Variants in ACACB observed in about 807,000 individuals in gnomAD.
ACACB encodes the protein acetyl-CoA carboxylase 2.
A neutral mutation model predicts 278.8 loss-of-function variants in ACACB; 209 were observed. That is an observed-to-expected ratio of 0.75 (90% confidence interval 0.67 to 0.84). The LOEUF (loss-of-function observed/expected upper bound fraction) is 0.84, where lower values mean the gene tolerates loss of function less well. Among genes scored for constraint, ACACB ranks in the 40% least tolerant of loss-of-function variants. ACACB has a pLI of 0.00. For synonymous variants in ACACB, 1,174 were observed against 1,285.6 expected, an observed-to-expected ratio of 0.91 and a Z score of 1.86; for missense variants, 2,850 against 3,269.0, an observed-to-expected ratio of 0.87 and a Z score of 3.13.
intron 2 of ACACB, among the ~76,000 whole-genome samples, chr12:109,147,604 C>T (rs1179754661): frequency 6.6e-6 from 1 of 151,994 alleles, no homozygotes. Context: ...TGTCTCCCTA[C>T]ACTGGAAGCA....
intron 29 of ACACB, 82 bp from the exon 30 acceptor site, chr12:109,233,666 C>T (rs889320080): frequency 5.2e-5 from 63 of 1,202,250 alleles, no homozygotes; most frequent in Non-Finnish European, 7.5e-5. Flanking sequence ...GTCTGGCGTT[C>T]CCTGCTGCCT....
At chr12:109,165,466 G>C (rs185844938) in intron 2 of ACACB, among the ~76,000 whole-genome samples, 39 of 152,260 alleles carry the variant, frequency 2.6e-4, no homozygotes, top group African/African-American at 8.9e-4. Context: ...TGGGATTACA[G>C]GTATGAGCCA....
At chr12:109,142,884 T>C (rs903244089) in intron 2 of ACACB, among the ~76,000 whole-genome samples, 1 of 152,138 alleles carries the variant, frequency 6.6e-6, no homozygotes, top group Non-Finnish European at 1.5e-5. Context: ...CTATCTTTCA[T>C]AGGGAAAATG....
rs558925631 is a variant in ACACB, at chr12:109,202,603, C to T, written c.2913+902C>T. Reference sequence around the variant, plus strand: ...GTGATGGGATTACAGGTGTGAGCCACTGCACCTGGCCTCAATTAATTACTA... The same window carrying T: ...GTGATGGGATTACAGGTGTGAGCCATTGCACCTGGCCTCAATTAATTACTA... On this transcript the variant is annotated intron_variant, in intron 19 of 52. Transcript: ENST00000338432. Among the ~76,000 whole-genome samples, 4 of 152,306 alleles carry T rather than the reference C, an allele frequency of 2.6e-5. No individual in the cohort carries two copies. In the South Asian group the frequency reaches 8.3e-4, roughly 32 times the overall value.
chr12:109,233,798 C>G lies in ACACB; in HGVS notation c.4190C>G (p.Pro1397Arg). The G allele has an allele frequency of 2.5e-6, 4 of 1,614,218 alleles. No individual in the cohort carries two copies. The highest frequency in any genetic ancestry group is 3.4e-6 in the Non-Finnish European group (4 of 1,180,038). ...SCFANVPKDT[P>R]LFSEARTSLY... ...TTCGCCAACGTGCCCAAAGACACCC[C>G]CCTCTTCAGCGAGGCCCGCACCTCC... is the stretch of plus-strand genomic sequence containing the variant. Residue 1397 changes from proline to arginine, a missense_variant, in exon 30 of 53, where the codon CCC becomes CGC. Pro to Arg is a moderately radical substitution (Grantham distance 103). Around this residue, in one of 3 missense-constraint regions of ACACB, gnomAD observed 2,265 missense variants for 2,561.3 expected, o/e 0.88. Coordinates refer to ENST00000338432, the MANE Select transcript of ACACB (RefSeq NM_001093.4).
chr12:109,174,298 G>A, intron 7 of ACACB, 68 bp downstream of exon 7: 1 of 1,244,904 alleles, frequency 8.0e-7, no homozygotes, highest in Non-Finnish European at 1.1e-6. Flanking sequence ...AACGGTCAGG[G>A]TGACAGAAGT....
At chr12:109,243,343 A>C (rs1345227024) in intron 37 of ACACB, among the ~76,000 whole-genome samples, 1 of 152,200 alleles carries the variant, frequency 6.6e-6, no homozygotes, top group Non-Finnish European at 1.5e-5. Flanking sequence ...TCACGCCTGT[A>C]ATCCCAGCAC....
chr12:109,213,000 G>T (rs2045894047), intron 22 of ACACB, 64 bp downstream of exon 22: 1 of 1,425,082 alleles, frequency 7.0e-7, no homozygotes, highest in Non-Finnish European at 9.9e-7. Context: ...ATTGCACCAG[G>T]GTGGTGCTCT....
intron 28 of ACACB, among the ~76,000 whole-genome samples, chr12:109,231,142 G>T (rs926043436): frequency 2.6e-5 from 4 of 152,064 alleles, no homozygotes; most frequent in Non-Finnish European, 5.9e-5. Context: ...AAGGTCAGAT[G>T]AGAAGTTGGC....
At chr12:109,228,706 T>C (rs1334327987) in intron 28 of ACACB, among the ~76,000 whole-genome samples, 1 of 151,470 alleles carries the variant, frequency 6.6e-6, no homozygotes, top group East Asian at 1.9e-4. Context: ...ACTGGGTGGC[T>C]CATGGCTGCC....
intron 6 of ACACB, 53 bp downstream of exon 6, chr12:109,172,409 C>G: frequency 6.5e-7 from 1 of 1,533,900 alleles, no homozygotes; most frequent in Non-Finnish European, 9.0e-7. Context: ...CTGGGACACT[C>G]TGCTGGGTCT....
At chr12:109,130,633 ACAC>A (rs999481497) in intron 1 of ACACB, among the ~76,000 whole-genome samples, 4 of 152,068 alleles carry the variant, frequency 2.6e-5, no homozygotes, top group African/African-American at 4.8e-5. Context: ...CTTTTGAGAA[ACAC>A]TCTGATCTGT....
chr12:109,256,741 C>G (rs2047234601), intron 45 of ACACB, among the ~76,000 whole-genome samples: 2 of 152,186 alleles, frequency 1.3e-5, no homozygotes, highest in Non-Finnish European at 1.5e-5. Context: ...TCATTTACCA[C>G]TCATTCCTGG....
Position 109,267,308 on chromosome 12 carries a change from G to C in ACACB, c.*946G>C, listed in dbSNP as rs1345834451. ...TGCCAGGGATTCTCTTTTTGAGAGA[G>C]GGAAAGCAAAATGAATGGAAGTACC... On this transcript the variant is annotated 3_prime_UTR_variant, in exon 53 of 53. Coordinates refer to ENST00000338432, the MANE Select transcript of ACACB (RefSeq NM_001093.4). 1 of 152,292 alleles carries C rather than the reference G, an allele frequency of 6.6e-6. No individual in the cohort carries two copies. The highest frequency in any genetic ancestry group is 2.4e-5 in the African/African-American group (1 of 41,468). The allele number at this position is 152,292 out of a possible 1,614,324, so 9.4% of individuals were successfully genotyped here.
intron 17 of ACACB, among the ~76,000 whole-genome samples, chr12:109,197,761 C>T (rs181767769): frequency 1.3e-5 from 2 of 152,212 alleles, no homozygotes; most frequent in East Asian, 3.9e-4. Context: ...CGCAATGAAA[C>T]AGACCCCAGC....
chr12:109,218,246 G>C (rs939543482), intron 24 of ACACB, among the ~76,000 whole-genome samples: 2 of 152,150 alleles, frequency 1.3e-5, no homozygotes, highest in Admixed American at 6.5e-5. Flanking sequence ...CTGTTGCCCA[G>C]GCTGGAGTGC....
intron 11 of ACACB, among the ~76,000 whole-genome samples, chr12:109,184,070 T>G (rs2044569035): frequency 6.6e-6 from 1 of 152,032 alleles, no homozygotes; most frequent in South Asian, 2.1e-4. Context: ...TTTTTTTCTT[T>G]GAGATGGAGT....
intron 34 of ACACB, among the ~76,000 whole-genome samples, chr12:109,238,025 A>G (rs2046681696): frequency 6.6e-6 from 1 of 151,502 alleles, no homozygotes; most frequent in Admixed American, 6.6e-5. Flanking sequence ...AAAAAAAAAA[A>G]AAGAAAAAAA....
rs1315481067 is a variant in ACACB at position 109,241,211 on chromosome 12, T to A, written c.4952T>A (p.Ile1651Asn). 6.2e-7 allele frequency: 1 copy of A among 1,614,188 alleles called. No individual in the cohort carries two copies. Among genetic ancestry groups the A allele is most frequent in the African/African-American group, 1.3e-5 (1 of 75,034 alleles). ...TGSAVPIRLF[I>N]TNESGYYLDI... ...AGTGCCGTTCCCATCCGCCTGTTCA[T>A]CACCAATGAGTCGGGCTACTACCTG... Residue 1651 changes from isoleucine to asparagine, a missense_variant, in exon 36 of 53, where the codon ATC (isoleucine) becomes AAC (asparagine). Physicochemically the swap from Ile to Asn is moderately radical, Grantham distance 149 (BLOSUM62 -3). This residue lies in a region of ACACB where 2,265 missense variants were observed against 2,561.3 expected (regional missense o/e 0.88). Coordinates refer to ENST00000338432, the MANE Select transcript of ACACB (RefSeq NM_001093.4).
Sources: gnomAD v4.1 joint callset for allele counts (sites outside exome capture counted in the v4.1 genomes callset) on GRCh38, gnomAD v4.1.1 for gene constraint, gnomAD v4.1.1 regional missense constraint, MANE v1.5 for transcripts, NCBI Gene and HGNC (gene_info 2026-07-23, HGNC 2026-07-21) for gene names.